Variants in TYW1B observed in about 807,000 individuals in gnomAD.
TYW1B encodes the protein S-adenosyl-L-methionine-dependent tRNA 4-demethylwyosine synthase TYW1B.
Under a neutral mutation model 86.9 loss-of-function variants are expected in TYW1B, and 73 were observed. That is an observed-to-expected ratio of 0.84 (90% CI 0.70 to 1.02). TYW1B has a LOEUF of 1.02. Among genes scored for constraint, TYW1B ranks in the 50% least tolerant of loss-of-function variants. TYW1B has a pLI of 0.00. For missense variants in TYW1B, 637 were observed against 827.4 expected (o/e 0.77, Z 2.82); for synonymous variants, 248 against 292.8 (o/e 0.85, Z 1.56).
chr7:72,759,681 T>A (rs956690627), intron 7 of TYW1B, among the ~76,000 whole-genome samples: 3 of 152,178 alleles, frequency 2.0e-5, no homozygotes, highest in Non-Finnish European at 4.4e-5. Flanking sequence ...ACTTTTCTAT[T>A]GGTGTTGAGA....
intron 8 of TYW1B, among the ~76,000 whole-genome samples, chr7:72,734,501 C>A (rs1277736698): frequency 6.6e-6 from 1 of 152,098 alleles, no homozygotes; most frequent in African/African-American, 2.4e-5. Context: ...TGTGAAATTA[C>A]CTACTGTGAA....
In TYW1B at chr7:72,650,124, C is replaced by A. The variant is rs1813025610; in HGVS notation, c.1507-21127G>T. Among the ~76,000 whole-genome samples, 11 of 150,838 alleles carry A rather than the reference C, an allele frequency of 7.3e-5. No individual in the cohort carries two copies. The South Asian group carries it at 2.3e-3, about 32-fold the overall frequency. On this transcript the variant is annotated intron_variant, in intron 11 of 13. Coordinates refer to ENST00000620995, the MANE Select transcript of TYW1B (RefSeq NM_001145440.3). ...AAAGACGGGGTTTCACCGTGTTAGC[C>A]AGGATGGTCTCGATCTCCTGAACTC...
In TYW1B at chr7:72,575,608, T is replaced by C; in HGVS notation, c.1897A>G (p.Met633Val). Residue 633 changes from methionine (M) to valine (V), a missense_variant, in exon 14 of 14, where the codon ATG (methionine) becomes GTG (valine). Met to Val is a conservative substitution (Grantham distance 21). Coordinates refer to ENST00000620995, the MANE Select transcript of TYW1B (RefSeq NM_001145440.3). ...GSKTFSAKDY[M>V]ARTPHWALFG... ...AATGCCCAGTGAGGAGTTCTGGCCA[T>C]ATAATCCTTTGCGCTGAACGTTTTT... is the stretch of plus-strand genomic sequence containing the variant. 5.0e-6 allele frequency: 8 copies of C among 1,613,896 alleles called. No homozygotes were observed. Among genetic ancestry groups the C allele is most frequent in the Non-Finnish European group, 6.8e-6 (8 of 1,179,856 alleles).
chr7:72,652,932 ACAT>A (rs1265870697), intron 11 of TYW1B, among the ~76,000 whole-genome samples: 2 of 152,216 alleles, frequency 1.3e-5, no homozygotes, highest in Admixed American at 6.5e-5. Context: ...GCAAAGGTGT[ACAT>A]AAATTTTTGC....
At chr7:72,616,954 T>C in intron 12 of TYW1B, 115 bp from the exon 13 acceptor site, 1 of 1,374,042 alleles carries the variant, frequency 7.3e-7, no homozygotes, top group Middle Eastern at 2.0e-4. Context: ...GTCCGTATTT[T>C]ACAGTGAAGG....
intron 11 of TYW1B, among the ~76,000 whole-genome samples, chr7:72,632,443 TATATAAAATATATATATAC>T (rs1554440077): frequency 2.3e-4 from 21 of 93,298 alleles, no homozygotes; most frequent in Admixed American, 3.7e-4. Context: ...TATACGTATA[TATATAAAATATATATATAC>T]ATATATATAT....
intron 6 of TYW1B, among the ~76,000 whole-genome samples, chr7:72,785,928 C>T (rs1158969386): frequency 6.6e-6 from 1 of 152,034 alleles, no homozygotes; most frequent in Non-Finnish European, 1.5e-5. Context: ...GCCTGGCCAA[C>T]ATGGCGAGGC....
intron 10 of TYW1B, among the ~76,000 whole-genome samples, chr7:72,703,014 A>ATTTTTTT (rs1814516950): frequency 2.0e-5 from 1 of 49,006 alleles, no homozygotes; most frequent in African/African-American, 6.4e-5. Context: ...ATATATATAT[A>ATTTTTTT]TATATATATA....
rs200972032 is a variant in TYW1B, at chr7:72,629,120, T to C, written c.1507-123A>G. 741 of 717,302 alleles carry C rather than the reference T, an allele frequency of 1.0e-3. 9 individuals are homozygous for C. In the East Asian group the frequency reaches 0.017, roughly 17 times the overall value. 44.4% of individuals were successfully genotyped at this position (717,302 alleles called of 1,614,324 possible). On this transcript the variant is annotated intron_variant, in intron 11 of 13. Coordinates refer to ENST00000620995, the MANE Select transcript of TYW1B (RefSeq NM_001145440.3). ...GCAGGCAAAACTCATCATGAACTTT[T>C]GTAAACTGAAGCTATATTTTGAGGA...
At chr7:72,748,660 C>T (rs1189185323) in intron 7 of TYW1B, among the ~76,000 whole-genome samples, 31 of 151,472 alleles carry the variant, frequency 2.0e-4, no homozygotes, top group Admixed American at 1.5e-3. Flanking sequence ...TTAGACTCTG[C>T]CAAATGCTTT....
intron 6 of TYW1B, among the ~76,000 whole-genome samples, chr7:72,797,462 T>A (rs557241366): frequency 6.6e-6 from 1 of 152,142 alleles, no homozygotes; most frequent in South Asian, 2.1e-4. Context: ...CCCCAGAGTA[T>A]CTCTTCCATT....
At chr7:72,592,212 C>A (rs1355680879) in intron 13 of TYW1B, among the ~76,000 whole-genome samples, 3 of 145,472 alleles carry the variant, frequency 2.1e-5, no homozygotes, top group African/African-American at 5.2e-5. Context: ...TGTTTTGGGG[C>A]ACACAATGTA....
chr7:72,739,294 A>G (rs1297984554), intron 8 of TYW1B, among the ~76,000 whole-genome samples: 1 of 152,096 alleles, frequency 6.6e-6, no homozygotes, highest in African/African-American at 2.4e-5. Flanking sequence ...AAACTCTATA[A>G]TAAGAATTTT....
At chr7:72,695,431 G>A (rs1290263141) in intron 10 of TYW1B, among the ~76,000 whole-genome samples, 1 of 152,140 alleles carries the variant, frequency 6.6e-6, no homozygotes. Context: ...TACTTACACA[G>A]GAGCACAGCC....
chr7:72,709,405 A>G (rs1468851867), intron 10 of TYW1B, among the ~76,000 whole-genome samples: 2 of 152,204 alleles, frequency 1.3e-5, no homozygotes, highest in African/African-American at 4.8e-5. Flanking sequence ...GTGGTGGCTC[A>G]CGCCTGTAAT....
intron 8 of TYW1B, among the ~76,000 whole-genome samples, chr7:72,739,087 T>C (rs1787253520): frequency 6.6e-6 from 1 of 152,030 alleles, no homozygotes; most frequent in Admixed American, 6.6e-5. Context: ...TATGGGATGA[T>C]AGTATTGTGG....
intron 13 of TYW1B, among the ~76,000 whole-genome samples, chr7:72,601,884 T>C (rs1249306235): frequency 6.6e-6 from 1 of 151,902 alleles, no homozygotes; most frequent in Non-Finnish European, 1.5e-5. Flanking sequence ...TGGCTGCCAG[T>C]AGTTCCAAGT....
chr7:72,814,494 G>A (rs1215920739), intron 3 of TYW1B, among the ~76,000 whole-genome samples: 2 of 152,050 alleles, frequency 1.3e-5, no homozygotes, highest in Non-Finnish European at 2.9e-5. Context: ...TGAGGCAGGA[G>A]AATGGTGTGA....
chr7:72,668,504 A>G (rs1223503319), intron 11 of TYW1B, among the ~76,000 whole-genome samples: 3 of 152,056 alleles, frequency 2.0e-5, no homozygotes, highest in Non-Finnish European at 4.4e-5. Flanking sequence ...TTTTAACATG[A>G]AGGCCGAGAA....
Sources: gnomAD v4.1 joint callset for allele counts (sites outside exome capture counted in the v4.1 genomes callset) on GRCh38, gnomAD v4.1.1 for gene constraint, MANE v1.5 for transcripts, NCBI Gene and HGNC (gene_info 2026-07-23, HGNC 2026-07-21) for gene names.